PCMT1: variants seen among roughly 807,000 people sequenced by gnomAD.
The protein encoded by PCMT1 is protein-L-isoaspartate(D-aspartate) O-methyltransferase.
PCMT1 carries 9 observed loss-of-function variants against 29.2 expected under a neutral mutation model. The observed-to-expected ratio is 0.31, with a 90% confidence interval of 0.19 to 0.54. PCMT1 has a LOEUF of 0.54. PCMT1 is among the 20% of genes least tolerant of loss of function. The probability of loss-of-function intolerance (pLI) is 0.95; values close to 1 mark genes in which losing one functional copy is unlikely to be tolerated. For missense variants in PCMT1, 184 were observed against 282.2 expected, an observed-to-expected ratio of 0.65 and a Z score of 2.49; for synonymous variants, 98 against 97.5, an observed-to-expected ratio of 1.00 and a Z score of -0.03.
chr6:149,752,996 T>C (rs112593392), intron 1 of PCMT1, among the ~76,000 whole-genome samples: 1 of 152,234 alleles, frequency 6.6e-6, no homozygotes, highest in African/African-American at 2.4e-5. Context: ...AGTTTTATAC[T>C]AGATTTATGA....
At chr6:149,783,483 A>G (rs933853884) in intron 3 of PCMT1, among the ~76,000 whole-genome samples, 16 of 152,280 alleles carry the variant, frequency 1.1e-4, no homozygotes, top group South Asian at 6.2e-4. Flanking sequence ...AGAGTGATCT[A>G]TTGGTGACCA....
intron 2 of PCMT1, among the ~76,000 whole-genome samples, chr6:149,772,880 G>C (rs1187432725): frequency 6.6e-6 from 1 of 151,972 alleles, no homozygotes; most frequent in African/African-American, 2.4e-5. Flanking sequence ...AGCCGGGCGT[G>C]GTGGTGGGGG....
chr6:149,794,306 C>A (rs1788505021), intron 5 of PCMT1, among the ~76,000 whole-genome samples: 1 of 152,146 alleles, frequency 6.6e-6, no homozygotes. Context: ...ATTCCCCAGA[C>A]ACACTCAGTT....
intron 1 of PCMT1, among the ~76,000 whole-genome samples, chr6:149,764,116 T>A (rs1786971611): frequency 6.6e-6 from 1 of 152,210 alleles, no homozygotes; most frequent in Non-Finnish European, 1.5e-5. Flanking sequence ...TGAATTAATT[T>A]CAGGGGAAAT....
intron 6 of PCMT1, chr6:149,798,933 A>G (rs981487546): frequency 7.2e-5 from 11 of 152,256 alleles, no homozygotes; most frequent in African/African-American, 1.9e-4. Context: ...ACTGATGGAC[A>G]TAATTCTAAC....
chr6:149,750,028 C>G, intron 1 of PCMT1, 72 bp downstream of exon 1: 1 of 1,506,756 alleles, frequency 6.6e-7, no homozygotes, highest in Non-Finnish European at 8.9e-7. Context: ...CCTGGGCCGT[C>G]CGGAACGTTC....
rs182040344 is a variant in PCMT1 at position 149,758,080 on chromosome 6, C to T, written c.55+8124C>T. Among the ~76,000 whole-genome samples the T allele has an allele frequency of 2.1e-3, 317 of 152,028 alleles. 1 individual carries two copies. Among genetic ancestry groups the T allele is most frequent in the African/African-American group, 7.3e-3 (301 of 41,470 alleles). ...TGTACTTTTAGTAGAGATGGGGTTT[C>T]ACCATGTTGGCCAGGATGGCCTCAA... is the stretch of plus-strand genomic sequence containing the variant. On this transcript the variant is annotated intron_variant, in intron 1 of 7. Transcript: ENST00000464889.
intron 1 of PCMT1, among the ~76,000 whole-genome samples, chr6:149,757,620 G>T (rs1480994286): frequency 6.6e-6 from 1 of 152,114 alleles, no homozygotes; most frequent in African/African-American, 2.4e-5. Flanking sequence ...CAGGACAAAT[G>T]GGAGGCAGAT....
chr6:149,801,927 G>A (rs887582240), intron 6 of PCMT1, among the ~76,000 whole-genome samples: 4 of 152,004 alleles, frequency 2.6e-5, no homozygotes, highest in African/African-American at 7.2e-5. Flanking sequence ...TTAGGAGTTC[G>A]AGACCAGTGT....
chr6:149,752,456 C>T (rs1786360193), intron 1 of PCMT1, among the ~76,000 whole-genome samples: 1 of 152,130 alleles, frequency 6.6e-6, no homozygotes, highest in Admixed American at 6.6e-5. Flanking sequence ...GCCTCGGCCT[C>T]CCAAAGTGCT....
intron 1 of PCMT1, among the ~76,000 whole-genome samples, chr6:149,762,781 A>G (rs1305720102): frequency 1.9e-5 from 1 of 52,182 alleles, no homozygotes; most frequent in Non-Finnish European, 2.6e-5. Context: ...ATATATACCT[A>G]TGATATATAT....
chr6:149,784,183 T>C (rs924682577), intron 3 of PCMT1, among the ~76,000 whole-genome samples: 1 of 152,214 alleles, frequency 6.6e-6, no homozygotes. Context: ...TTAAGGACTT[T>C]CTGGTTTGAA....
intron 3 of PCMT1, among the ~76,000 whole-genome samples, chr6:149,784,808 T>C (rs1326004415): frequency 2.0e-5 from 3 of 152,302 alleles, no homozygotes; most frequent in Admixed American, 2.0e-4. Flanking sequence ...ATCCCAAACA[T>C]ACATAATATT....
rs1344546261 is a variant in PCMT1 at position 149,777,639 on chromosome 6, CAT to C, written c.192+4475_192+4476del. ...AATCACATATGCACACATACATGCA[CAT>C]ATATGTTTTTCTTTGGGAATGAAAA... On this transcript the variant is annotated intron_variant, in intron 3 of 7. Transcript: ENST00000464889. Among the ~76,000 whole-genome samples, 5 of 152,064 alleles carry C rather than the reference CAT, an allele frequency of 3.3e-5. 1 individual carries two copies. The highest frequency in any genetic ancestry group is 7.3e-5 in the Non-Finnish European group (5 of 68,028).
At chr6:149,757,196 G>A (rs1196961296) in intron 1 of PCMT1, among the ~76,000 whole-genome samples, 4 of 152,068 alleles carry the variant, frequency 2.6e-5, no homozygotes, top group African/African-American at 9.7e-5. Context: ...TATATCTTTA[G>A]TCATATTAGC....
intron 1 of PCMT1, among the ~76,000 whole-genome samples, chr6:149,763,497 C>G (rs1786949364): frequency 6.6e-6 from 1 of 151,878 alleles, no homozygotes; most frequent in South Asian, 2.1e-4. Flanking sequence ...ATGGGTTCAG[C>G]TTTTTAATAA....
At chr6:149,752,743 C>T (rs1362206230) in intron 1 of PCMT1, among the ~76,000 whole-genome samples, 4 of 152,060 alleles carry the variant, frequency 2.6e-5, no homozygotes, top group South Asian at 2.1e-4. Context: ...AATTTTCCAC[C>T]GGTAGGTTAT....
rs536595489 is a variant in PCMT1, at chr6:149,789,356, C to T, written c.193-598C>T. The stretch of plus-strand genomic sequence containing the variant: ...CTCCCAAAGTGCTGGAATGTCAGGC[C>T]TGAGCCACCACGCCCAGCCTGATCT... On this transcript the variant is annotated intron_variant, in intron 3 of 7. Coordinates refer to ENST00000464889, the MANE Select transcript of PCMT1 (RefSeq NM_001360452.2). 3.1e-3 allele frequency among the ~76,000 whole-genome samples: 464 copies of T among 152,020 alleles called. 1 individual carries two copies. Among genetic ancestry groups the T allele is most frequent in the Non-Finnish European group, 4.8e-3 (329 of 67,976 alleles).
chr6:149,805,581 G>A (rs544155176), intron 7 of PCMT1, among the ~76,000 whole-genome samples: 20 of 151,740 alleles, frequency 1.3e-4, no homozygotes, highest in African/African-American at 3.1e-4. Flanking sequence ...GCAACAGAGC[G>A]AGACTCCGTC....
Sources: gnomAD v4.1 joint callset for allele counts (sites outside exome capture counted in the v4.1 genomes callset) on GRCh38, gnomAD v4.1.1 for gene constraint, MANE v1.5 for transcripts, NCBI Gene and HGNC (gene_info 2026-07-23, HGNC 2026-07-21) for gene names.